Variants in C9orf153 observed in about 807,000 individuals in gnomAD.
The protein encoded by C9orf153 is uncharacterized protein C9orf153.
C9orf153 carries 10 observed loss-of-function variants against 9.0 expected under a neutral mutation model. The ratio of observed to expected loss-of-function variants is 1.11; its 90% CI spans 0.69 to 1.89. The LOEUF (loss-of-function observed/expected upper bound fraction) is 1.89. Among genes scored for constraint, C9orf153 ranks in the 40% most tolerant of loss-of-function variants. C9orf153 has a pLI of 0.00. For missense variants in C9orf153, 108 were observed against 111.0 expected (o/e 0.97, Z 0.12); for synonymous variants, 35 against 37.3 (o/e 0.94, Z 0.23).
At chr9:86,258,134 G>C (rs1358696684) in intron 1 of C9orf153, among the ~76,000 whole-genome samples, 2 of 152,100 alleles carry the variant, frequency 1.3e-5, no homozygotes, top group Non-Finnish European at 2.9e-5. Flanking sequence ...ACGGGGTCAG[G>C]AGATCAAGAC....
chr9:86,248,289 A>G (rs1587808874), intron 1 of C9orf153, among the ~76,000 whole-genome samples: 2 of 151,656 alleles, frequency 1.3e-5, no homozygotes, highest in South Asian at 2.1e-4. Context: ...GCCTGCCACC[A>G]CCCCCGGCTA....
At chr9:86,257,463 G>GC (rs1345603962) in intron 1 of C9orf153, among the ~76,000 whole-genome samples, 4 of 152,148 alleles carry the variant, frequency 2.6e-5, no homozygotes, top group African/African-American at 9.7e-5. Flanking sequence ...CAAGACATCT[G>GC]CCCCTTTTTC....
intron 1 of C9orf153, among the ~76,000 whole-genome samples, chr9:86,253,553 G>A (rs538178235): frequency 5.9e-4 from 90 of 152,292 alleles, no homozygotes; most frequent in African/African-American, 2.0e-3. Flanking sequence ...AACTTTAAAA[G>A]AGCCCATATA....
chr9:86,255,907 G>A (rs1045386045), intron 1 of C9orf153, among the ~76,000 whole-genome samples: 5 of 152,158 alleles, frequency 3.3e-5, no homozygotes, highest in Non-Finnish European at 7.4e-5. Context: ...CTTATATTTT[G>A]CTCAGGGGAC....
rs146085772 is a variant in C9orf153, at chr9:86,257,431, T to C, written c.-27+2119A>G. Reference sequence around the variant, plus strand: ...CCTCCTGGCTTTCACTTGTAATCAGTTGGAGGCTCCATCAAGCCAAACAAG... The same window carrying C: ...CCTCCTGGCTTTCACTTGTAATCAGCTGGAGGCTCCATCAAGCCAAACAAG... On this transcript the variant is annotated intron_variant, in intron 1 of 3. Coordinates refer to ENST00000339137, the MANE Select transcript of C9orf153 (RefSeq NM_001276366.4). Among the ~76,000 whole-genome samples, 175 of 152,274 alleles carry C rather than the reference T, an allele frequency of 1.1e-3. 3 individuals carry two copies. The South Asian group carries it at 0.018, about 16-fold the overall frequency.
intron 1 of C9orf153, among the ~76,000 whole-genome samples, chr9:86,237,674 C>T (rs1824627729): frequency 6.6e-6 from 1 of 152,118 alleles, no homozygotes; most frequent in African/African-American, 2.4e-5. Flanking sequence ...AGGAGCTATA[C>T]TGATTTCAGA....
chr9:86,254,299 T>C (rs1171883348), intron 1 of C9orf153, among the ~76,000 whole-genome samples: 1 of 152,174 alleles, frequency 6.6e-6, no homozygotes, highest in Non-Finnish European at 1.5e-5. Context: ...AATTCTTTGC[T>C]GGCAACAAGT....
chr9:86,223,880 C>T lies in C9orf153; in HGVS notation c.243-2147G>A, dbSNP rs80273089. 9.2e-3 allele frequency among the ~76,000 whole-genome samples: 1,400 copies of T among 152,244 alleles called. 17 individuals carry two copies. The highest frequency in any genetic ancestry group is 0.015 in the Non-Finnish European group (1,017 of 68,016). ...GGAGACATTTGAAAGCATCGCTCCA[C>T]AGAGAGTGGAATCACGGTCACCAGA... On this transcript the variant is annotated intron_variant, in intron 3 of 3. Coordinates refer to ENST00000339137, the MANE Select transcript of C9orf153 (RefSeq NM_001276366.4).
Position 86,227,912 on chromosome 9 carries a change from T to G in C9orf153, c.185A>C (p.Asn62Thr). The change falls in exon 3 of 4, where the codon AAT (asparagine) becomes ACT (threonine). Residue 62 changes from asparagine to threonine, a missense_variant. Coordinates refer to ENST00000339137, the MANE Select transcript of C9orf153 (RefSeq NM_001276366.4). ...EAQEVLARNL[N>T]VMSFTRGADV... ...AGCGCCCCTGGTGAATGACATGACA[T>G]TCAGGTTTCTAGCAAGTACTTCCTG... 1 of 1,613,870 alleles carries G rather than the reference T, an allele frequency of 6.2e-7. No individual in the cohort carries two copies.
chr9:86,248,365 C>T (rs959691453), intron 1 of C9orf153, among the ~76,000 whole-genome samples: 2 of 152,142 alleles, frequency 1.3e-5, no homozygotes, highest in African/African-American at 4.8e-5. Context: ...AACTCCTGAC[C>T]TCAGGTGATC....
intron 1 of C9orf153, among the ~76,000 whole-genome samples, chr9:86,242,181 A>G (rs777946916): frequency 1.6e-4 from 25 of 152,276 alleles, no homozygotes; most frequent in Middle Eastern, 3.4e-3. Context: ...AGAATCTTCC[A>G]GGCAGAAGGA....
At chr9:86,255,148 G>C (rs1021162354) in intron 1 of C9orf153, among the ~76,000 whole-genome samples, 1 of 150,828 alleles carries the variant, frequency 6.6e-6, no homozygotes, top group South Asian at 2.1e-4. Context: ...TTTTTTGCTT[G>C]TCCCAAATTT....
intron 1 of C9orf153, among the ~76,000 whole-genome samples, chr9:86,235,844 A>G (rs531198210): frequency 1.3e-5 from 2 of 151,798 alleles, no homozygotes; most frequent in South Asian, 4.2e-4. Context: ...TACAAAAGGT[A>G]TAACATATGC....
intron 1 of C9orf153, among the ~76,000 whole-genome samples, chr9:86,241,262 C>T (rs1339167523): frequency 6.6e-6 from 1 of 152,164 alleles, no homozygotes; most frequent in Non-Finnish European, 1.5e-5. Flanking sequence ...TTAGCACATC[C>T]TAGGCCCTTC....
chr9:86,253,099 G>C, intron 1 of C9orf153, among the ~76,000 whole-genome samples: 1 of 151,974 alleles, frequency 6.6e-6, no homozygotes, highest in African/African-American at 2.4e-5. Flanking sequence ...CTATTTGTGA[G>C]TATTCTTAAT....
chr9:86,255,783 G>A (rs1825111248), intron 1 of C9orf153, among the ~76,000 whole-genome samples: 1 of 152,126 alleles, frequency 6.6e-6, no homozygotes, highest in Admixed American at 6.6e-5. Context: ...CAGTGAATCT[G>A]CCTTTTGCGA....
At chr9:86,251,112 CA>C (rs1378495063) in intron 1 of C9orf153, among the ~76,000 whole-genome samples, 1 of 152,138 alleles carries the variant, frequency 6.6e-6, no homozygotes. Flanking sequence ...AAAGTTTTCT[CA>C]AACCTTTTTG....
intron 1 of C9orf153, among the ~76,000 whole-genome samples, chr9:86,239,357 T>C (rs113664230): frequency 6.1e-4 from 93 of 152,306 alleles, no homozygotes; most frequent in African/African-American, 2.1e-3. Context: ...TACAATTCTT[T>C]GCACTTTTAT....
At position 86,220,605 on chromosome 9, in the gene C9orf153, T is replaced by C. The variant is rs1824175745; in HGVS notation, c.*1083A>G. 1.3e-5 allele frequency: 2 copies of C among 152,222 alleles called. No individual in the cohort carries two copies. The highest frequency in any genetic ancestry group is 2.9e-5 in the Non-Finnish European group (2 of 68,044). 9.4% of individuals were successfully genotyped at this position (152,222 alleles called of 1,614,324 possible). A position where few individuals can be genotyped will look rare whatever the true frequency, so the allele number is the denominator to read the frequency against. On this transcript the variant is annotated 3_prime_UTR_variant, in exon 4 of 4. Transcript: ENST00000339137. ...TTGTCATTTCTTTGTATGTAATCCA[T>C]CTCTCTTTCGTAGATTATATTTTCC...
Sources: gnomAD v4.1 joint callset for allele counts (sites outside exome capture counted in the v4.1 genomes callset) on GRCh38, gnomAD v4.1.1 for gene constraint, MANE v1.5 for transcripts, NCBI Gene and HGNC (gene_info 2026-07-23, HGNC 2026-07-21) for gene names.